Variants in CLMN observed in about 807,000 individuals in gnomAD.
CLMN encodes calmin, also known as calmin (calponin-like, transmembrane).
A neutral mutation model predicts 92.7 loss-of-function variants in CLMN; 57 were observed. That is an observed-to-expected ratio of 0.61 (90% CI 0.50 to 0.77). CLMN has a LOEUF of 0.77. CLMN is among the 30% of genes least tolerant of loss of function. CLMN has a pLI of 0.00. For synonymous variants in CLMN, 466 were observed against 470.6 expected (o/e 0.99, Z 0.13); for missense variants, 1,158 against 1,237.5 (o/e 0.94, Z 0.96).
Position 95,204,176 on chromosome 14 carries a change from G to T in CLMN, c.1173C>A (p.Gly391=). The part of the protein sequence containing the change: ...HQIIDQVLQG[G]PGKTSDISEP... ...CACTGATGTCGCTGGTCTTACCTGG[G>T]CCCCCTTGCAGGACCTGGTCAATAA... The change falls in exon 9 of 13, where the codon GGC becomes GGA. Residue 391 remains glycine (G), a synonymous_variant. Coordinates refer to ENST00000298912, the MANE Select transcript of CLMN (RefSeq NM_024734.4). 6.2e-7 allele frequency: 1 copy of T among 1,614,084 alleles called. No homozygotes were observed.
At chr14:95,273,462 C>T (rs1269178392) in intron 1 of CLMN, among the ~76,000 whole-genome samples, 1 of 152,204 alleles carries the variant, frequency 6.6e-6, no homozygotes, top group Non-Finnish European at 1.5e-5. Flanking sequence ...TGATGCTGCA[C>T]AGCCAACTTC....
intron 1 of CLMN, among the ~76,000 whole-genome samples, chr14:95,239,097 A>G (rs1898158270): frequency 1.3e-5 from 2 of 152,212 alleles, no homozygotes; most frequent in Non-Finnish European, 2.9e-5. Flanking sequence ...ACACAAGCTT[A>G]GAAAGGGATT....
chr14:95,231,962 G>A (rs916601064), intron 1 of CLMN, among the ~76,000 whole-genome samples: 3 of 152,150 alleles, frequency 2.0e-5, no homozygotes, highest in Non-Finnish European at 4.4e-5. Flanking sequence ...TGGGACAATC[G>A]CGCCCAGGGA....
In CLMN at chr14:95,193,081, G is replaced by C. The variant is rs529122063; in HGVS notation, c.2840+768C>G. 176 of 464,912 alleles carry C rather than the reference G, an allele frequency of 3.8e-4. 3 individuals are homozygous for C. In the South Asian group the frequency reaches 4.2e-3, roughly 11 times the overall value. The allele number at this position is 464,912 out of a possible 1,614,324, so 28.8% of individuals were successfully genotyped here. A position where few individuals can be genotyped will look rare whatever the true frequency, so the allele number is the denominator to read the frequency against. ...GGTGTTGGGTAATATTCAGACAGAG[G>C]CTTCCGATTCCAGTAATCTAAATCC... On this transcript the variant is annotated intron_variant, in intron 12 of 12. Coordinates refer to ENST00000298912, the MANE Select transcript of CLMN (RefSeq NM_024734.4).
Position 95,191,498 on chromosome 14 carries a change from A to C in CLMN, c.*66T>G. Reference sequence around the variant, plus strand: ...TGTAGAAGTGCCCCACCCAGAACCCAAAATAAAATGAAGTAACCCCGCCCC... The same window carrying C: ...TGTAGAAGTGCCCCACCCAGAACCCCAAATAAAATGAAGTAACCCCGCCCC... On this transcript the variant is annotated 3_prime_UTR_variant, in exon 13 of 13. Transcript: ENST00000298912. This position sits in a 1 kb window ranked among gnomAD's most constrained non-coding sequence, Gnocchi z 5.3. The C allele has an allele frequency of 6.9e-7, 1 of 1,456,128 alleles. No individual in the cohort carries two copies. The highest frequency in any genetic ancestry group is 1.4e-5 in the African/African-American group (1 of 69,680). The allele number at this position is 1,456,128 out of a possible 1,614,324, so 90.2% of individuals were successfully genotyped here.
chr14:95,195,248 C>A (rs532635396), intron 10 of CLMN, among the ~76,000 whole-genome samples: 2 of 152,338 alleles, frequency 1.3e-5, no homozygotes, highest in East Asian at 1.9e-4. Context: ...GGCAAATCCC[C>A]TGCACTGTTT....
rs1347006643 is a variant in CLMN at position 95,267,338 on chromosome 14, A to G, written c.83-37205T>C. 3.9e-5 allele frequency among the ~76,000 whole-genome samples: 6 copies of G among 152,080 alleles called. No individual in the cohort carries two copies. In the East Asian group the frequency reaches 1.2e-3, roughly 29 times the overall value. ...CTCAAACACCCCAACAGAAAAAGAA[A>G]CCCCCAAGTAATCCAATTATAAAAT... On this transcript the variant is annotated intron_variant, in intron 1 of 12. Coordinates refer to ENST00000298912, the MANE Select transcript of CLMN (RefSeq NM_024734.4).
At chr14:95,204,506 GAAC>G (rs752748417) in intron 8 of CLMN, 43 bp from the exon 9 acceptor site, 34 of 1,483,136 alleles carry the variant, frequency 2.3e-5, no homozygotes, top group Middle Eastern at 1.8e-4. Context: ...AAAAACAAAA[GAAC>G]AACAACAAAA....
At chr14:95,277,894 T>C (rs1899995209) in intron 1 of CLMN, among the ~76,000 whole-genome samples, 1 of 152,260 alleles carries the variant, frequency 6.6e-6, no homozygotes, top group Non-Finnish European at 1.5e-5. Context: ...CCCAAAGTGT[T>C]GGGATTACAG....
intron 1 of CLMN, among the ~76,000 whole-genome samples, chr14:95,241,845 G>A (rs777795176): frequency 7.2e-5 from 11 of 152,128 alleles, no homozygotes; most frequent in Non-Finnish European, 1.5e-4. Flanking sequence ...GTGTGCGTGT[G>A]TGTATATGGA....
At chr14:95,301,572 G>A (rs1001482979) in intron 1 of CLMN, among the ~76,000 whole-genome samples, 3 of 152,182 alleles carry the variant, frequency 2.0e-5, no homozygotes, top group African/African-American at 7.2e-5. Context: ...AATCCAAAAG[G>A]TCACTTCATT....
intron 8 of CLMN, among the ~76,000 whole-genome samples, chr14:95,205,570 T>C (rs866686331): frequency 2.6e-5 from 4 of 152,176 alleles, no homozygotes; most frequent in Admixed American, 1.3e-4. Flanking sequence ...AAAAGCCTAC[T>C]AGCTATTTAA....
rs1448092779 is a variant in CLMN at position 95,185,899 on chromosome 14, G to C, written c.*5665C>G. 6.6e-6 allele frequency: 1 copy of C among 152,214 alleles called. No individual in the cohort carries two copies. The highest frequency in any genetic ancestry group is 1.5e-5 in the Non-Finnish European group (1 of 68,038). 9.4% of individuals were successfully genotyped at this position (152,214 alleles called of 1,614,324 possible). ...GCCTTCCAATGGCATGACCACGGAAGGAGAACAGCTCCTCACCAAAGCAGC... is the reference window on the plus strand; with the variant it reads ...GCCTTCCAATGGCATGACCACGGAACGAGAACAGCTCCTCACCAAAGCAGC... On this transcript the variant is annotated 3_prime_UTR_variant, in exon 13 of 13. Coordinates refer to ENST00000298912, the MANE Select transcript of CLMN (RefSeq NM_024734.4).
At chr14:95,251,052 T>C (rs1898763193) in intron 1 of CLMN, among the ~76,000 whole-genome samples, 1 of 152,150 alleles carries the variant, frequency 6.6e-6, no homozygotes, top group South Asian at 2.1e-4. Flanking sequence ...CATCACCTCC[T>C]CTAACCTCTG....
intron 9 of CLMN, among the ~76,000 whole-genome samples, chr14:95,202,622 G>A (rs1346864684): frequency 6.6e-6 from 1 of 152,236 alleles, no homozygotes; most frequent in African/African-American, 2.4e-5. Context: ...CCAGTGAGGT[G>A]CCCGTGTGCA....
At chr14:95,308,251 A>G (rs10143591) in intron 1 of CLMN, among the ~76,000 whole-genome samples, 6,174 of 152,336 alleles carry the variant, frequency 0.041, 427 homozygotes, top group African/African-American at 0.14. Context: ...AAACAGAACC[A>G]GCTGGGCCAC....
At position 95,191,559 on chromosome 14, in the gene CLMN, A is replaced by T; in HGVS notation, c.*5T>A. 6.2e-7 allele frequency: 1 copy of T among 1,608,790 alleles called. No individual in the cohort carries two copies. On this transcript the variant is annotated 3_prime_UTR_variant, in exon 13 of 13. Transcript: ENST00000298912. The surrounding 1 kb of genome is among the most constrained non-coding windows in gnomAD (Gnocchi z 5.3). ...CCTGTCTTTTTTATTATCCAGACAC[A>T]CGTATCAGAGCCTGCTAACATCCAG... is the stretch of plus-strand genomic sequence containing the variant.
At chr14:95,277,788 T>A (rs1285484795) in intron 1 of CLMN, among the ~76,000 whole-genome samples, 1 of 152,122 alleles carries the variant, frequency 6.6e-6, no homozygotes, top group Non-Finnish European at 1.5e-5. Context: ...CCACCACACC[T>A]GGCTAATTTT....
intron 1 of CLMN, among the ~76,000 whole-genome samples, chr14:95,306,509 G>GC (rs1901284964): frequency 2.0e-5 from 3 of 152,072 alleles, no homozygotes; most frequent in Admixed American, 6.6e-5. Flanking sequence ...ACACCTGGGT[G>GC]ACAGAGCTAG....
Sources: gnomAD v4.1 joint callset for allele counts (sites outside exome capture counted in the v4.1 genomes callset) on GRCh38, gnomAD v4.1.1 for gene constraint, Gnocchi (gnomAD v3.1) non-coding constraint, MANE v1.5 for transcripts, NCBI Gene and HGNC (gene_info 2026-07-23, HGNC 2026-07-21) for gene names.